PRLR: variants seen among roughly 807,000 people sequenced by gnomAD.
The protein encoded by PRLR is prolactin receptor, also known as hPRL receptor.
Under a neutral mutation model 40.2 loss-of-function variants are expected in PRLR, and 13 were observed. The observed-to-expected ratio is 0.32, with a 90% CI of 0.21 to 0.51. PRLR has a LOEUF of 0.51. PRLR is among the 20% of genes least tolerant of loss of function. The probability of loss-of-function intolerance (pLI) is 0.97; values close to 1 mark genes in which losing one functional copy is unlikely to be tolerated. For synonymous variants in PRLR, 269 were observed against 278.7 expected (o/e 0.97, Z 0.35); for missense variants, 656 against 747.3 (o/e 0.88, Z 1.42).
intron 2 of PRLR, among the ~76,000 whole-genome samples, chr5:35,092,020 G>A (rs896014304): frequency 1.3e-5 from 2 of 152,098 alleles, no homozygotes; most frequent in Middle Eastern, 3.2e-3. Flanking sequence ...GGCTCCATGC[G>A]TTTTGCAAAA....
At chr5:35,141,427 G>T (rs1561330044) in intron 1 of PRLR, among the ~76,000 whole-genome samples, 1 of 152,094 alleles carries the variant, frequency 6.6e-6, no homozygotes, top group Non-Finnish European at 1.5e-5. Context: ...TTTCAGATGA[G>T]GAGAGAACCA....
intron 5 of PRLR, among the ~76,000 whole-genome samples, chr5:35,082,628 G>C (rs972583254): frequency 6.6e-6 from 1 of 152,196 alleles, no homozygotes; most frequent in African/African-American, 2.4e-5. Context: ...CTGCTTTTAA[G>C]TGTTTTCAAT....
At chr5:35,200,061 AG>A (rs1422012429) in intron 1 of PRLR, among the ~76,000 whole-genome samples, 2 of 152,232 alleles carry the variant, frequency 1.3e-5, no homozygotes, top group African/African-American at 4.8e-5. Context: ...AAGAAGAGGT[AG>A]TGCTGGACAA....
chr5:35,157,749 A>G (rs1487132719), intron 1 of PRLR, among the ~76,000 whole-genome samples: 1 of 152,272 alleles, frequency 6.6e-6, no homozygotes, highest in Non-Finnish European at 1.5e-5. Context: ...ATTCTCTTTC[A>G]TACTCGGAAC....
chr5:35,070,381 G>T, intron 6 of PRLR, 116 bp from the exon 7 acceptor site: 3 of 1,103,976 alleles, frequency 2.7e-6, no homozygotes, highest in Non-Finnish European at 3.9e-6. Flanking sequence ...AGAATTCCCT[G>T]CTGTCACTAC....
intron 1 of PRLR, among the ~76,000 whole-genome samples, chr5:35,164,296 T>G (rs1016875312): frequency 3.3e-5 from 5 of 152,224 alleles, no homozygotes; most frequent in African/African-American, 1.2e-4. Flanking sequence ...GTAAACCTGA[T>G]GACAAACATA....
At chr5:35,191,699 T>C (rs148835564) in intron 1 of PRLR, among the ~76,000 whole-genome samples, 151 of 152,316 alleles carry the variant, frequency 9.9e-4, no homozygotes, top group African/African-American at 3.5e-3. Context: ...TGGTTAGCAC[T>C]CAAATAACAG....
At chr5:35,207,823 T>A (rs72734585) in intron 1 of PRLR, among the ~76,000 whole-genome samples, 3 of 152,146 alleles carry the variant, frequency 2.0e-5, no homozygotes, top group Non-Finnish European at 2.9e-5. Context: ...TAGAGTTTAC[T>A]TGGGAGGACG....
chr5:35,225,205 T>G (rs1179849213), intron 1 of PRLR, among the ~76,000 whole-genome samples: 1 of 152,206 alleles, frequency 6.6e-6, no homozygotes, highest in African/African-American at 2.4e-5. Flanking sequence ...TGTAGGACGT[T>G]TGAAAGCCTC....
At chr5:35,124,964 T>C (rs1334820121) in intron 1 of PRLR, among the ~76,000 whole-genome samples, 1 of 152,202 alleles carries the variant, frequency 6.6e-6, no homozygotes, top group Admixed American at 6.5e-5. Flanking sequence ...CTCTGAAAAG[T>C]TAGAAGTTTT....
At chr5:35,134,224 G>C (rs1011907656) in intron 1 of PRLR, among the ~76,000 whole-genome samples, 3 of 152,172 alleles carry the variant, frequency 2.0e-5, no homozygotes, top group Non-Finnish European at 4.4e-5. Flanking sequence ...CACATATAAA[G>C]AGGAAAAGAA....
intron 2 of PRLR, among the ~76,000 whole-genome samples, chr5:35,111,135 T>A (rs193207502): frequency 3.3e-5 from 5 of 152,302 alleles, no homozygotes; most frequent in Admixed American, 2.0e-4. Context: ...TGTAGTTGTA[T>A]TTAGAGGGCA....
chr5:35,072,135 T>G (rs980694680), intron 6 of PRLR, among the ~76,000 whole-genome samples: 8 of 152,054 alleles, frequency 5.3e-5, no homozygotes, highest in African/African-American at 1.9e-4. Flanking sequence ...TGACCTCAGG[T>G]GATCCACCTG....
intron 1 of PRLR, among the ~76,000 whole-genome samples, chr5:35,181,883 T>C (rs1561352178): frequency 1.3e-5 from 2 of 152,198 alleles, no homozygotes; most frequent in South Asian, 2.1e-4. Context: ...GTAGTCCTGA[T>C]AGCTGTTTGG....
intron 1 of PRLR, among the ~76,000 whole-genome samples, chr5:35,146,169 G>C (rs1052861041): frequency 6.6e-6 from 1 of 152,166 alleles, no homozygotes; most frequent in African/African-American, 2.4e-5. Flanking sequence ...CATTTGATTT[G>C]ACATATTTAG....
chr5:35,090,960 C>T (rs1054105474), intron 2 of PRLR, among the ~76,000 whole-genome samples: 3 of 151,358 alleles, frequency 2.0e-5, no homozygotes, highest in Non-Finnish European at 4.4e-5. Flanking sequence ...ACAGGAGCCC[C>T]CCACGATGCC....
intron 1 of PRLR, among the ~76,000 whole-genome samples, chr5:35,222,506 G>T (rs1171699984): frequency 6.6e-6 from 1 of 152,124 alleles, no homozygotes; most frequent in Non-Finnish European, 1.5e-5. Context: ...CTATAAATAT[G>T]CAAGGCCAAA....
rs1769219000 is a variant in PRLR, at chr5:35,064,365, A to G, written c.*724T>C. On this transcript the variant is annotated 3_prime_UTR_variant, in exon 10 of 10. Transcript: ENST00000618457. ...TATCATGCTGAAATGAAGGAGGAAA[A>G]CATCCTAAAGGGATTCACATGAAAT... 1 of 152,220 alleles carries G rather than the reference A, an allele frequency of 6.6e-6. No homozygotes were observed. Among genetic ancestry groups the G allele is most frequent in the South Asian group, 2.1e-4 (1 of 4,836 alleles). 9.4% of individuals were successfully genotyped at this position (152,220 alleles called of 1,614,324 possible). A position where few individuals can be genotyped will look rare whatever the true frequency, so the allele number is the denominator to read the frequency against.
Position 35,065,488 on chromosome 5 carries a change from C to T in PRLR, c.1470G>A (p.Thr490=), listed in dbSNP as rs911830967. The T allele has an allele frequency of 3.1e-6, 5 of 1,614,002 alleles. No individual in the cohort carries two copies. Among genetic ancestry groups the T allele is most frequent in the African/African-American group, 2.7e-5 (2 of 74,910 alleles). Residue 490 remains threonine, a synonymous_variant, in exon 10 of 10, where the codon ACG becomes ACA. Coordinates refer to ENST00000618457, the MANE Select transcript of PRLR (RefSeq NM_000949.7). Reference sequence around the variant, plus strand: ...TTTTCTCCTGGGGCAGCAGCCAGGGCGTATCCTGGTCAGTCTCAGAATGGA... The same window carrying T: ...TTTTCTCCTGGGGCAGCAGCCAGGGTGTATCCTGGTCAGTCTCAGAATGGA... ...ESFHSETDQD[T]PWLLPQEKTP... is the part of the protein sequence containing the mutation.
Sources: gnomAD v4.1 joint callset for allele counts (sites outside exome capture counted in the v4.1 genomes callset) on GRCh38, gnomAD v4.1.1 for gene constraint, MANE v1.5 for transcripts, NCBI Gene and HGNC (gene_info 2026-07-23, HGNC 2026-07-21) for gene names.